The following RBM25 variants were observed in gnomAD, a reference collection of about 807,000 sequenced individuals.
RBM25 encodes the protein RNA-binding protein 25.
In RBM25, 19 loss-of-function variants were observed where a neutral mutation model predicts 120.7. The ratio of observed to expected loss-of-function variants is 0.16; its 90% CI spans 0.11 to 0.23. RBM25 has a LOEUF of 0.23. Ranked by LOEUF, RBM25 falls within the 10% of genes least tolerant of loss-of-function variation. RBM25 has a pLI of 1.00. For missense variants in RBM25, 605 were observed against 1,041.5 expected (o/e 0.58, Z 5.77); for synonymous variants, 390 against 326.7 (o/e 1.19, Z -2.09).
intron 1 of RBM25, chr14:73,068,135 G>T: frequency 2.5e-6 from 2 of 793,840 alleles, no homozygotes; most frequent in South Asian, 1.4e-5. Flanking sequence ...TGGAAGGTTG[G>T]TCCTAGATGG....
chr14:73,106,531 A>C (rs1386099281), intron 12 of RBM25, among the ~76,000 whole-genome samples: 1 of 152,168 alleles, frequency 6.6e-6, no homozygotes, highest in Non-Finnish European at 1.5e-5. Flanking sequence ...GTCATATAGT[A>C]ATATTTAAGT....
chr14:73,063,632 T>G (rs181544587), intron 1 of RBM25, among the ~76,000 whole-genome samples: 1 of 151,448 alleles, frequency 6.6e-6, no homozygotes, highest in African/African-American at 2.4e-5. Flanking sequence ...TCAAAATATA[T>G]CCAGGATCCA....
chr14:73,101,009 G>GTTA, intron 9 of RBM25: 1 of 152,098 alleles, frequency 6.6e-6, no homozygotes, highest in South Asian at 2.1e-4. Context: ...ACCCTGTCAT[G>GTTA]TTATTGGTAA....
At position 73,083,568 on chromosome 14, in the gene RBM25, CTTA is replaced by C; in HGVS notation, c.382+20_382+22del. 1 of 1,557,576 alleles carries C rather than the reference CTTA, an allele frequency of 6.4e-7. No individual in the cohort carries two copies. The highest frequency in any genetic ancestry group is 8.6e-7 in the Non-Finnish European group (1 of 1,158,592). ...AGCTTCAAGGTATGTCATTTTTTTC[CTTA>C]TTTGCTGAAATCACTTTAACTAACC... On this transcript the variant is annotated intron_variant, in intron 5 of 18. Transcript: ENST00000261973.
chr14:73,115,597 G>T (rs915068946), intron 18 of RBM25, among the ~76,000 whole-genome samples: 24 of 152,120 alleles, frequency 1.6e-4, no homozygotes, highest in Admixed American at 1.6e-3. Context: ...TCAAATCCCC[G>T]TTGCATTTAA....
intron 6 of RBM25, 31 bp from the exon 7 acceptor site, chr14:73,096,884 T>C (rs1895951896): frequency 6.3e-7 from 1 of 1,591,322 alleles, no homozygotes; most frequent in Admixed American, 1.8e-5. Flanking sequence ...GCTTGATTTT[T>C]CTTTCCCCTG....
At chr14:73,118,067 C>T (rs182205921) in intron 18 of RBM25, among the ~76,000 whole-genome samples, 170 of 152,216 alleles carry the variant, frequency 1.1e-3, no homozygotes, top group Non-Finnish European at 2.1e-3. Context: ...CATGTGTGCC[C>T]CGTGATGATT....
At chr14:73,088,216 G>T (rs1895734020) in intron 6 of RBM25, 55 bp downstream of exon 6, 2 of 1,593,076 alleles carry the variant, frequency 1.3e-6, no homozygotes, top group Non-Finnish European at 1.7e-6. Context: ...TTTCAGTGTA[G>T]TGCTTCTCAT....
chr14:73,113,574 C>G (rs1896360954), intron 17 of RBM25, among the ~76,000 whole-genome samples: 1 of 151,752 alleles, frequency 6.6e-6, no homozygotes, highest in South Asian at 2.1e-4. Context: ...ACCTGTAATC[C>G]CAGCTACTCG....
chr14:73,090,959 G>C (rs1895800854), intron 6 of RBM25, among the ~76,000 whole-genome samples: 1 of 152,120 alleles, frequency 6.6e-6, no homozygotes, highest in East Asian at 1.9e-4. Flanking sequence ...TCAAAAAACA[G>C]AAATGTTTGA....
chr14:73,066,255 C>A (rs1048649582), intron 1 of RBM25, among the ~76,000 whole-genome samples: 4 of 152,120 alleles, frequency 2.6e-5, no homozygotes, highest in African/African-American at 9.7e-5. Flanking sequence ...TACAGTCTTG[C>A]AATCTTGTGT....
intron 7 of RBM25, among the ~76,000 whole-genome samples, chr14:73,098,787 G>A (rs1041293091): frequency 6.6e-6 from 1 of 152,220 alleles, no homozygotes. Flanking sequence ...GGGACTACAC[G>A]TGCCTGCTGC....
chr14:73,074,979 C>T (rs1268135097), intron 2 of RBM25, among the ~76,000 whole-genome samples: 1 of 150,340 alleles, frequency 6.7e-6, no homozygotes, highest in African/African-American at 2.4e-5. Context: ...ACCGTGTCCC[C>T]TCACTCCCTG....
At position 73,113,868 on chromosome 14, in the gene RBM25, G is replaced by A. The variant is rs1459125245; in HGVS notation, c.2392-418G>A. On this transcript the variant is annotated intron_variant, in intron 17 of 18. Transcript: ENST00000261973. ...GAAACCCATGCTCTTAACCACTAAG[G>A]TATATCTTCCCATTGTCTCCTGAAA... Among the ~76,000 whole-genome samples the A allele has an allele frequency of 5.9e-5, 9 of 152,132 alleles. 1 individual carries two copies. The East Asian group carries it at 1.3e-3, about 23-fold the overall frequency.
intron 9 of RBM25, chr14:73,100,396 T>G (rs1421756385): frequency 1.6e-6 from 1 of 611,170 alleles, no homozygotes; most frequent in African/African-American, 1.8e-5. Flanking sequence ...ATTATATTTA[T>G]GGATGCCCCC....
At chr14:73,074,066 AAGTT>A (rs1353423456) in intron 2 of RBM25, among the ~76,000 whole-genome samples, 1 of 152,228 alleles carries the variant, frequency 6.6e-6, no homozygotes, top group Non-Finnish European at 1.5e-5. Context: ...AAACTGAATA[AAGTT>A]AGTTATCAGC....
At chr14:73,082,217 T>G (rs1895578855) in intron 4 of RBM25, among the ~76,000 whole-genome samples, 1 of 152,222 alleles carries the variant, frequency 6.6e-6, no homozygotes, top group Non-Finnish European at 1.5e-5. Context: ...AAGTTTCCAT[T>G]AGTTTTCTCT....
intron 9 of RBM25, chr14:73,101,203 G>C (rs1213743230): frequency 6.6e-6 from 1 of 152,092 alleles, no homozygotes; most frequent in Non-Finnish European, 1.5e-5. Context: ...TTTTTATTGG[G>C]TGGTTTGGCT....
intron 5 of RBM25, 40 bp downstream of exon 5, chr14:73,083,591 C>G (rs371937186): frequency 1.2e-4 from 172 of 1,439,942 alleles, no homozygotes; most frequent in Middle Eastern, 1.8e-4. Context: ...ATCACTTTAA[C>G]TAACCTGTGT....
Sources: gnomAD v4.1 joint callset for allele counts (sites outside exome capture counted in the v4.1 genomes callset) on GRCh38, gnomAD v4.1.1 for gene constraint, MANE v1.5 for transcripts, NCBI Gene and HGNC (gene_info 2026-07-23, HGNC 2026-07-21) for gene names.